VPS37A: variants seen among roughly 807,000 people sequenced by gnomAD.
VPS37A encodes the protein vacuolar protein sorting-associated protein 37A.
Under a neutral mutation model 49.8 loss-of-function variants are expected in VPS37A, and 30 were observed. The ratio of observed to expected loss-of-function variants is 0.60; its 90% CI spans 0.45 to 0.82. VPS37A has a LOEUF of 0.82. Ranked by LOEUF, VPS37A falls within the 40% of genes least tolerant of loss-of-function variation. The probability of loss-of-function intolerance (pLI) is 0.00; values close to 1 mark genes in which losing one functional copy is unlikely to be tolerated. For synonymous variants in VPS37A, 195 were observed against 160.6 expected (o/e 1.21, Z -1.62); for missense variants, 593 against 464.4 (o/e 1.28, Z -2.55).
At position 17,296,282 on chromosome 8, in the gene VPS37A, A is replaced by G. The variant is rs919774676; in HGVS notation, c.*1296A>G. The G allele has an allele frequency of 6.6e-6, 1 of 152,232 alleles. No homozygotes were observed. The highest frequency in any genetic ancestry group is 2.4e-5 in the African/African-American group (1 of 41,466). 9.4% of individuals were successfully genotyped at this position (152,232 alleles called of 1,614,324 possible). A position where few individuals can be genotyped will look rare whatever the true frequency, so the allele number is the denominator to read the frequency against. ...GGCAGGTATTCACGTGGACTGAGAT[A>G]CAATGTTGGATACAGAAAATAACTT... On this transcript the variant is annotated 3_prime_UTR_variant, in exon 12 of 12. Transcript: ENST00000324849.
In VPS37A at chr8:17,247,017, C is replaced by T. The variant is rs947723408; in HGVS notation, c.-228C>T. 62 of 592,456 alleles carry T rather than the reference C, an allele frequency of 1.0e-4. No homozygotes were observed. The highest frequency in any genetic ancestry group is 9.5e-4 in the Admixed American group (31 of 32,760). 36.7% of individuals were successfully genotyped at this position (592,456 alleles called of 1,614,324 possible). Reference sequence around the variant, plus strand: ...GGCGTCTGGGCCGTGAAGGTGGGACCTCCTGTTCCGGGCCGCAAGTTTCCC... The same window carrying T: ...GGCGTCTGGGCCGTGAAGGTGGGACTTCCTGTTCCGGGCCGCAAGTTTCCC... On this transcript the variant is annotated 5_prime_UTR_variant, in exon 1 of 12. Transcript: ENST00000324849.
chr8:17,280,496 G>T, intron 9 of VPS37A, 53 bp downstream of exon 9: 1 of 1,484,632 alleles, frequency 6.7e-7, no homozygotes, highest in Non-Finnish European at 9.1e-7. Context: ...TTAATCTTAT[G>T]TGCATGAGTC....
Position 17,247,421 on chromosome 8 carries a change from G to A in VPS37A, c.125+52G>A, listed in dbSNP as rs750027609. 2.6e-4 allele frequency: 43 copies of A among 163,938 alleles called. 2 individuals carry two copies. The highest frequency in any genetic ancestry group is 5.8e-4 in the Admixed American group (6 of 10,340). 10.2% of individuals were successfully genotyped at this position (163,938 alleles called of 1,614,324 possible). On this transcript the variant is annotated intron_variant, in intron 1 of 11. Coordinates refer to ENST00000324849, the MANE Select transcript of VPS37A (RefSeq NM_152415.3). The stretch of plus-strand genomic sequence containing the variant: ...AGGAAAAAGTAGGGTGGGAGGGCGG[G>A]CTTGTCCTAACCACCCTCACAGCGC...
intron 5 of VPS37A, 22 bp from the exon 6 acceptor site, chr8:17,276,375 A>G (rs552116725): frequency 1.3e-6 from 2 of 1,597,924 alleles, no homozygotes; most frequent in Non-Finnish European, 1.7e-6. Flanking sequence ...GAAATTTAAT[A>G]TCATTTAAAA....
the VPS37A span, among the ~76,000 whole-genome samples, chr8:17,325,793 C>G: frequency 6.6e-6 from 1 of 152,180 alleles, no homozygotes; most frequent in Non-Finnish European, 1.5e-5. Context: ...TACTTCATGT[C>G]TTTTGAATAA....
chr8:17,269,561 T>A (rs1232610719), intron 4 of VPS37A, among the ~76,000 whole-genome samples: 1 of 152,218 alleles, frequency 6.6e-6, no homozygotes, highest in Non-Finnish European at 1.5e-5. Context: ...ATTTTTTTCA[T>A]ATCAAACCAG....
chr8:17,249,328 G>A (rs1399948290), intron 1 of VPS37A, among the ~76,000 whole-genome samples: 2 of 152,154 alleles, frequency 1.3e-5, no homozygotes, highest in Non-Finnish European at 2.9e-5. Context: ...TAAATACGCG[G>A]AGTTGGATAC....
intron 1 of VPS37A, among the ~76,000 whole-genome samples, chr8:17,262,564 C>A (rs989236749): frequency 4.8e-5 from 7 of 145,380 alleles, no homozygotes; most frequent in African/African-American, 1.8e-4. Flanking sequence ...TAAAATATTA[C>A]TTTAAAGTAT....
chr8:17,313,430 A>G, the VPS37A span: 1 of 1,406,468 alleles, frequency 7.1e-7, no homozygotes, highest in African/African-American at 1.4e-5. Flanking sequence ...TATAAAAGCA[A>G]AATTAAGGTA....
At chr8:17,317,458 A>G in the VPS37A span, among the ~76,000 whole-genome samples, 1 of 152,178 alleles carries the variant, frequency 6.6e-6, no homozygotes, top group Non-Finnish European at 1.5e-5. Context: ...CCATACTTAC[A>G]CTTTCACTTA....
At chr8:17,333,441 G>C in the VPS37A span, among the ~76,000 whole-genome samples, 1 of 152,162 alleles carries the variant, frequency 6.6e-6, no homozygotes, top group African/African-American at 2.4e-5. Context: ...AAAATTAATA[G>C]GAGATTTGAA....
rs1816785969 is a variant in VPS37A at position 17,297,615 on chromosome 8, G to A, written c.*2629G>A. On this transcript the variant is annotated 3_prime_UTR_variant, in exon 12 of 12. Coordinates refer to ENST00000324849, the MANE Select transcript of VPS37A (RefSeq NM_152415.3). ...ACTTGCATTCTATATATTACTAATTGGGAAGTAATATGCCTCAAATCAGTT... is the reference window on the plus strand; with the variant it reads ...ACTTGCATTCTATATATTACTAATTAGGAAGTAATATGCCTCAAATCAGTT... The A allele has an allele frequency of 1.3e-5, 2 of 151,906 alleles. No homozygotes were observed. Among genetic ancestry groups the A allele is most frequent in the South Asian group, 4.1e-4 (2 of 4,826 alleles). The allele number at this position is 151,906 out of a possible 1,614,324, so 9.4% of individuals were successfully genotyped here.
the VPS37A span, among the ~76,000 whole-genome samples, chr8:17,326,081 G>A: frequency 1.3e-5 from 2 of 152,296 alleles, no homozygotes; most frequent in South Asian, 4.1e-4. Flanking sequence ...AGTTTACGCA[G>A]AGACTCAATC....
chr8:17,316,505 G>A, the VPS37A span, among the ~76,000 whole-genome samples: 1 of 149,962 alleles, frequency 6.7e-6, no homozygotes, highest in African/African-American at 2.5e-5. Context: ...CTTGTGGAAA[G>A]TCTCCCTGTA....
the VPS37A span, among the ~76,000 whole-genome samples, chr8:17,328,330 G>C: frequency 3.3e-5 from 5 of 152,284 alleles, no homozygotes; most frequent in South Asian, 1.0e-3. Context: ...CCAACACCCA[G>C]GATGCCTAAG....
the VPS37A span, among the ~76,000 whole-genome samples, chr8:17,312,603 T>A: frequency 7.0e-6 from 1 of 142,114 alleles, no homozygotes; most frequent in Non-Finnish European, 1.5e-5. Context: ...AAAAAAAAAT[T>A]CTCTGTCTCC....
At chr8:17,311,541 G>C in the VPS37A span, 1 of 1,613,938 alleles carries the variant, frequency 6.2e-7, no homozygotes, top group Non-Finnish European at 8.5e-7. Context: ...GGTAGTGAGG[G>C]TCCAGCAGCA....
At chr8:17,302,036 TCTA>T (rs1817151339), downstream of VPS37A, 1 of 1,358,134 alleles carries the variant, frequency 7.4e-7, no homozygotes, top group African/African-American at 1.4e-5. Context: ...TTTCAGGTGT[TCTA>T]CTGACTAAAA....
intron 5 of VPS37A, among the ~76,000 whole-genome samples, chr8:17,275,472 T>C (rs921887999): frequency 6.6e-6 from 1 of 152,160 alleles, no homozygotes; most frequent in Admixed American, 6.5e-5. Flanking sequence ...CTGGATGGCA[T>C]TTTTGTGAAG....
Sources: allele counts gnomAD v4.1 joint callset (sites outside exome capture counted in the v4.1 genomes callset), GRCh38; gene constraint gnomAD v4.1.1; transcripts MANE v1.5; gene names NCBI Gene and HGNC (gene_info 2026-07-23, HGNC 2026-07-21).